The following GLOD4 variants were observed in gnomAD, a reference collection of about 807,000 sequenced individuals.
GLOD4 encodes the protein glyoxalase domain containing 4, also known as glyoxalase domain-containing protein 4.
In GLOD4, 44 loss-of-function variants were observed where a neutral mutation model predicts 39.1. That is an observed-to-expected ratio of 1.13 (90% CI 0.88 to 1.45). The LOEUF (loss-of-function observed/expected upper bound fraction) is 1.45, where lower values mean the gene tolerates loss of function less well. Among genes scored for constraint, GLOD4 ranks in the 40% most tolerant of loss-of-function variants. The probability of loss-of-function intolerance (pLI) is 0.00; values close to 1 mark genes in which losing one functional copy is unlikely to be tolerated. For missense variants in GLOD4, 405 were observed against 366.4 expected, an observed-to-expected ratio of 1.11 and a Z score of -0.86; for synonymous variants, 145 against 135.0, an observed-to-expected ratio of 1.07 and a Z score of -0.52.
intron 2 of GLOD4, 190 bp downstream of exon 2, chr17:778,505 T>G: frequency 1.7e-6 from 1 of 602,404 alleles, no homozygotes; most frequent in Non-Finnish European, 3.0e-6. Flanking sequence ...CCTTCTTAAT[T>G]AATTCCACTG....
chr17:772,753 T>C (rs911159497), intron 4 of GLOD4, among the ~76,000 whole-genome samples: 4 of 152,066 alleles, frequency 2.6e-5, no homozygotes, highest in African/African-American at 9.7e-5. Flanking sequence ...CCCAGCACTT[T>C]GGGAGGCTGA....
chr17:777,113 A>G, intron 2 of GLOD4, 125 bp from the exon 3 acceptor site: 2 of 800,226 alleles, frequency 2.5e-6, no homozygotes, highest in South Asian at 3.2e-5. Context: ...CTTAAGGATG[A>G]GATGACCTCA....
At chr17:782,642 A>G (rs1910189778), upstream of GLOD4, 2 of 1,613,632 alleles carry the variant, frequency 1.2e-6, no homozygotes, top group South Asian at 1.1e-5. Flanking sequence ...GCACCTGGGA[A>G]GAGTCTGGGC....
intron 8 of GLOD4, among the ~76,000 whole-genome samples, chr17:769,507 G>T (rs2144358026): frequency 6.7e-6 from 1 of 150,120 alleles, no homozygotes; most frequent in South Asian, 2.1e-4. Flanking sequence ...AGAGAGCTGA[G>T]GGGGTCGGAT....
upstream of GLOD4, chr17:783,054 C>T: frequency 6.6e-7 from 1 of 1,512,368 alleles, no homozygotes; most frequent in African/African-American, 2.1e-5. Flanking sequence ...TGATAGTTAC[C>T]TGTTTTTTTT....
chr17:772,639 T>C (rs972048630), intron 4 of GLOD4, among the ~76,000 whole-genome samples: 1 of 151,892 alleles, frequency 6.6e-6, no homozygotes, highest in African/African-American at 2.4e-5. Context: ...GCTAGAAAAA[T>C]AGGCAAAAGG....
rs567279018 is a variant in GLOD4 at position 764,726 on chromosome 17, A to C, written c.832-4488T>G. ...GTGGAATCTCAAAACCATGTTGAGT[A>C]GGCCGGGCGCGGTGGCTCACACCTG... On this transcript the variant is annotated intron_variant, in intron 8 of 8. Transcript: ENST00000301329. 3.9e-5 allele frequency: 6 copies of C among 152,176 alleles called. 1 individual carries two copies. Among genetic ancestry groups the C allele is most frequent in the African/African-American group, 1.4e-4 (6 of 41,456 alleles). 9.4% of individuals were successfully genotyped at this position (152,176 alleles called of 1,614,324 possible). A position where few individuals can be genotyped will look rare whatever the true frequency, so the allele number is the denominator to read the frequency against.
intron 8 of GLOD4, among the ~76,000 whole-genome samples, chr17:762,969 G>A (rs1033924597): frequency 1.3e-5 from 2 of 152,166 alleles, no homozygotes; most frequent in Non-Finnish European, 2.9e-5. Context: ...GAGGTCAGGA[G>A]ATCGAGACCA....
upstream of GLOD4, chr17:783,430 G>C (rs1910338820): frequency 1.7e-6 from 2 of 1,173,100 alleles, no homozygotes; most frequent in Non-Finnish European, 2.3e-6. Context: ...TCCGCCTCTC[G>C]GGTTCAAGGG....
At chr17:768,398 G>T (rs1412228687) in intron 8 of GLOD4, among the ~76,000 whole-genome samples, 1 of 145,162 alleles carries the variant, frequency 6.9e-6, no homozygotes, top group Admixed American at 7.0e-5. Flanking sequence ...GTAAGAGAGA[G>T]AAACAGCGCG....
intron 3 of GLOD4, 92 bp downstream of exon 3, chr17:776,776 C>G (rs1909033332): frequency 2.1e-6 from 2 of 941,106 alleles, no homozygotes; most frequent in East Asian, 4.9e-5. Flanking sequence ...AATGTTATCT[C>G]TTCACTCACA....
At chr17:783,114 T>G (rs750865768), upstream of GLOD4, 5 of 1,613,868 alleles carry the variant, frequency 3.1e-6, no homozygotes, top group East Asian at 1.1e-4. Flanking sequence ...GTCCAGGCCA[T>G]TTCGGGAAAA....
chr17:778,412 TC>T, intron 2 of GLOD4: 1 of 528,174 alleles, frequency 1.9e-6, no homozygotes, highest in Non-Finnish European at 3.3e-6. Flanking sequence ...AGCTGGAGAA[TC>T]CCTTTGTGTC....
upstream of GLOD4, chr17:782,977 C>T (rs1910237457): frequency 2.0e-6 from 3 of 1,472,124 alleles, no homozygotes; most frequent in Non-Finnish European, 2.7e-6. Context: ...CGTGAGCCAC[C>T]GCGCCCGGCC....
chr17:783,876 C>G (rs187724017), upstream of GLOD4, among the ~76,000 whole-genome samples: 279 of 152,248 alleles, frequency 1.8e-3, no homozygotes, highest in African/African-American at 6.4e-3. Flanking sequence ...TTTTAGATTA[C>G]TTCTTCAACT....
chr17:775,596 T>G (rs1274209725), intron 4 of GLOD4, among the ~76,000 whole-genome samples, 179 bp downstream of exon 4: 1 of 152,220 alleles, frequency 6.6e-6, no homozygotes, highest in Non-Finnish European at 1.5e-5. Flanking sequence ...GATCCCCTAC[T>G]GCTATGTATT....
intron 4 of GLOD4, among the ~76,000 whole-genome samples, chr17:772,201 A>AAC (rs1908093510): frequency 6.6e-6 from 1 of 151,022 alleles, no homozygotes; most frequent in African/African-American, 2.4e-5. Context: ...AAAAAAAAAA[A>AAC]AAAAAAAACA....
chr17:784,979 T>A (rs915711323), upstream of GLOD4, among the ~76,000 whole-genome samples: 13 of 152,224 alleles, frequency 8.5e-5, no homozygotes, highest in African/African-American at 2.9e-4. Context: ...GATTGTATCA[T>A]GTTTCAGTAC....
intron 1 of GLOD4, among the ~76,000 whole-genome samples, chr17:779,313 T>C (rs1597588777): frequency 2.9e-5 from 2 of 68,770 alleles, no homozygotes; most frequent in Non-Finnish European, 5.4e-5. Flanking sequence ...AAATTCCATC[T>C]CAAATTAAAA....
Sources: gnomAD v4.1 joint callset for allele counts (sites outside exome capture counted in the v4.1 genomes callset) on GRCh38, gnomAD v4.1.1 for gene constraint, MANE v1.5 for transcripts, NCBI Gene and HGNC (gene_info 2026-07-23, HGNC 2026-07-21) for gene names.